NBPF11: variants seen among roughly 807,000 people sequenced by gnomAD.
NBPF11 encodes NBPF member 11, also known as NBPF family member NBPF11.
In NBPF11, 72 loss-of-function variants were observed where a neutral mutation model predicts 93.9. The ratio of observed to expected loss-of-function variants is 0.77; its 90% confidence interval spans 0.63 to 0.93. The LOEUF (loss-of-function observed/expected upper bound fraction) is 0.93, where lower values mean the gene tolerates loss of function less well. NBPF11 is among the 40% of genes least tolerant of loss of function. The pLI is 0.00. For missense variants in NBPF11, 705 were observed against 802.2 expected, an observed-to-expected ratio of 0.88 and a Z score of 1.46; for synonymous variants, 224 against 304.9, an observed-to-expected ratio of 0.73 and a Z score of 2.76.
chr1:148,144,846 G>A lies in NBPF11; in HGVS notation c.-548-1160C>T, dbSNP rs1424669796. Reference sequence around the variant, plus strand: ...TTAGCTGGGCATGGTGGTGCATGCCGTAATCCCAGCACTTTGGGAGGCTGA... The same window carrying A: ...TTAGCTGGGCATGGTGGTGCATGCCATAATCCCAGCACTTTGGGAGGCTGA... On this transcript the variant is annotated intron_variant, in intron 1 of 23. Coordinates refer to ENST00000682118, the MANE Select transcript of NBPF11 (RefSeq NM_001385469.3). Among the ~76,000 whole-genome samples the A allele has an allele frequency of 4.3e-4, 65 of 151,444 alleles. 1 individual carries two copies. The East Asian group carries it at 7.2e-3, about 17-fold the overall frequency.
At position 148,104,550 on chromosome 1, in the gene NBPF11, G is replaced by A. The variant is rs1663063214; in HGVS notation, c.2568C>T (p.Thr856=). ...GCTGAAAGTTACCTGGGGCATGGTG[G>A]GTTTTGATCTTCTTCCCCTTCTTTT... ...GEEKKGKKIK[T]HHAPGSAAC is the part of the protein sequence containing the mutation. The change falls in exon 23 of 24, where the codon ACC becomes ACT. Residue 856 remains threonine (T), a synonymous_variant. Transcript: ENST00000682118. 1 of 596,178 alleles carries A rather than the reference G, an allele frequency of 1.7e-6. No individual in the cohort carries two copies. The highest frequency in any genetic ancestry group is 3.0e-5 in the Admixed American group (1 of 33,740). The allele number at this position is 596,178 out of a possible 1,614,324, so 36.9% of individuals were successfully genotyped here.
intron 23 of NBPF11, 27 bp from the exon 24 acceptor site, chr1:148,103,939 G>A: frequency 5.6e-6 from 9 of 1,610,520 alleles, no homozygotes; most frequent in Non-Finnish European, 6.8e-6. Context: ...AACTAAAGAA[G>A]CAGCCAGGGA....
chr1:148,123,855 G>A lies in NBPF11; in HGVS notation c.491C>T (p.Pro164Leu). 1 of 1,597,316 alleles carries A rather than the reference G, an allele frequency of 6.3e-7. No homozygotes were observed. The highest frequency in any genetic ancestry group is 8.6e-7 in the Non-Finnish European group (1 of 1,167,948). The change falls in exon 7 of 24, where the codon CCA becomes CTA. Residue 164 changes from proline to leucine, a missense_variant and splice_region_variant. Physicochemically the swap from Pro to Leu is moderately conservative, Grantham distance 98. Around this residue, in one of 12 missense-constraint regions of NBPF11, gnomAD observed 262 missense variants for 223.1 expected, o/e 1.17. Coordinates refer to ENST00000682118, the MANE Select transcript of NBPF11 (RefSeq NM_001385469.3). ...LAQHLVQKLS[P>L]ENDEDEDEDV... ...ATCAGGGCCTATGGCCACCTTACCTGGGCTGAGCTTTTGGACAAGGTGCTG... is the reference window on the plus strand; with the variant it reads ...ATCAGGGCCTATGGCCACCTTACCTAGGCTGAGCTTTTGGACAAGGTGCTG...
intron 9 of NBPF11, among the ~76,000 whole-genome samples, chr1:148,121,757 T>G (rs1198250455): frequency 6.6e-6 from 1 of 151,974 alleles, no homozygotes; most frequent in Non-Finnish European, 1.5e-5. Flanking sequence ...TCCTCCCACC[T>G]AAGTCTCCTG....
intron 17 of NBPF11, 93 bp downstream of exon 17, chr1:148,109,191 A>T: frequency 5.0e-6 from 5 of 998,256 alleles, no homozygotes; most frequent in Non-Finnish European, 7.9e-6. Context: ...CTGACAAGAC[A>T]AAATCATGAT....
intron 2 of NBPF11, among the ~76,000 whole-genome samples, chr1:148,138,570 A>G (rs1388751079): frequency 6.6e-6 from 1 of 151,702 alleles, no homozygotes; most frequent in Non-Finnish European, 1.5e-5. Context: ...CTTAACAAGC[A>G]TGCTGCCTTC....
chr1:148,107,295 AG>A lies in NBPF11; in HGVS notation c.2079-182del, dbSNP rs1393285065. On this transcript the variant is annotated intron_variant, in intron 19 of 23. Coordinates refer to ENST00000682118, the MANE Select transcript of NBPF11 (RefSeq NM_001385469.3). ...CCAGGGCCAGGTAGAAAAGAATGAAAGAGAAAGACAGGGAGAGGGAGAGAGA... is the reference window on the plus strand; with the variant it reads ...CCAGGGCCAGGTAGAAAAGAATGAAAAGAAAGACAGGGAGAGGGAGAGAGA... Among the ~76,000 whole-genome samples, 820 of 148,074 alleles carry A rather than the reference AG, an allele frequency of 5.5e-3. 1 individual carries two copies. Among genetic ancestry groups the A allele is most frequent in the African/African-American group, 0.02 (779 of 39,252 alleles).
intron 15 of NBPF11, among the ~76,000 whole-genome samples, chr1:148,112,987 A>G (rs1371222639): frequency 6.6e-6 from 1 of 151,976 alleles, no homozygotes; most frequent in Non-Finnish European, 1.5e-5. Context: ...CATGGAAAGG[A>G]ACAACCGGTA....
At chr1:148,121,697 G>C (rs1233208588) in intron 9 of NBPF11, among the ~76,000 whole-genome samples, 2 of 151,938 alleles carry the variant, frequency 1.3e-5, no homozygotes, top group Non-Finnish European at 2.9e-5. Context: ...AAAGGAGAGA[G>C]AGTCTAGCCT....
chr1:148,126,488 C>T (rs1669145971), intron 5 of NBPF11, among the ~76,000 whole-genome samples: 1 of 151,930 alleles, frequency 6.6e-6, no homozygotes, highest in East Asian at 1.9e-4. Flanking sequence ...TAGTCCTAGA[C>T]ATTTAGAACA....
intron 3 of NBPF11, among the ~76,000 whole-genome samples, chr1:148,136,976 A>G (rs1171091756): frequency 6.6e-6 from 1 of 151,742 alleles, no homozygotes; most frequent in Non-Finnish European, 1.5e-5. Context: ...ACCTCAGGGG[A>G]GAGGGTAAAT....
intron 2 of NBPF11, among the ~76,000 whole-genome samples, chr1:148,139,272 C>A (rs1489274595): frequency 6.7e-6 from 1 of 148,284 alleles, no homozygotes; most frequent in Non-Finnish European, 1.5e-5. Flanking sequence ...TCAAGGAGAG[C>A]CATAAACAGG....
rs1453765386 is a variant in NBPF11, at chr1:148,103,932, T to C, written c.2582-20A>G. On this transcript the variant is annotated intron_variant, in intron 23 of 23. Transcript: ENST00000682118. Reference sequence around the variant, plus strand: ...CTGAGCCTGGAAAAGGAGACAAAACTAAAGAAGCAGCCAGGGAAAATCAGA... The same window carrying C: ...CTGAGCCTGGAAAAGGAGACAAAACCAAAGAAGCAGCCAGGGAAAATCAGA... 7 of 1,610,268 alleles carry C rather than the reference T, an allele frequency of 4.3e-6. No individual in the cohort carries two copies. The highest frequency in any genetic ancestry group is 1.3e-5 in the African/African-American group (1 of 74,508).
At position 148,105,610 on chromosome 1, in the gene NBPF11, A is replaced by G. The variant is rs1413588288; in HGVS notation, c.2304-82T>C. 1.3e-4 allele frequency: 91 copies of G among 709,840 alleles called. 1 individual carries two copies. Among genetic ancestry groups the G allele is most frequent in the Non-Finnish European group, 1.6e-4 (63 of 396,592 alleles). 44.0% of individuals were successfully genotyped at this position (709,840 alleles called of 1,614,324 possible). ...CCCAACTAGGTTTCATGGGTAGCAT[A>G]AGGAAGTGGTTAAAAAAGTAAAAGG... On this transcript the variant is annotated intron_variant, in intron 21 of 23. Transcript: ENST00000682118.
intron 1 of NBPF11, chr1:148,146,869 G>A (rs1341202351): frequency 5.6e-5 from 90 of 1,613,708 alleles, no homozygotes; most frequent in African/African-American, 3.7e-4. Context: ...CAGGCCTTCC[G>A]AGAGGAACCT....
rs587732293 is a variant in NBPF11, at chr1:148,124,949, C to T, written c.228G>A (p.Gln76=). 803 of 1,609,392 alleles carry T rather than the reference C, an allele frequency of 5.0e-4. 4 individuals are homozygous for T. The South Asian group carries it at 8.4e-3, about 17-fold the overall frequency. Residue 76 remains glutamine, a synonymous_variant, in exon 6 of 24, where the codon CAG becomes CAA. Coordinates refer to ENST00000682118, the MANE Select transcript of NBPF11 (RefSeq NM_001385469.3). ...GCTCTGCAAGCTTCTCCTCCTTGAA[C>T]TGTCGCTCATTCCTCAGCATAAATT... The part of the protein sequence containing the change: ...LIKFMLRNER[Q]FKEEKLAEQL...
intron 9 of NBPF11, among the ~76,000 whole-genome samples, chr1:148,121,511 C>G (rs1218079651): frequency 6.6e-6 from 1 of 151,132 alleles, no homozygotes; most frequent in South Asian, 2.1e-4. Context: ...CCGCGCCCAG[C>G]TAATTTCTTT....
At chr1:148,144,610 C>T (rs1159185967) in intron 1 of NBPF11, among the ~76,000 whole-genome samples, 2 of 151,800 alleles carry the variant, frequency 1.3e-5, no homozygotes, top group Non-Finnish European at 2.9e-5. Context: ...ATAATGAATA[C>T]TATATTTACA....
At chr1:148,122,953 G>T in intron 7 of NBPF11, 152 bp from the exon 8 acceptor site, 1 of 1,272,172 alleles carries the variant, frequency 7.9e-7, no homozygotes, top group Non-Finnish European at 1.1e-6. Context: ...GCCCTGGCAT[G>T]GTTTCCTGGT....
Sources: gnomAD v4.1 joint callset for allele counts (sites outside exome capture counted in the v4.1 genomes callset) on GRCh38, gnomAD v4.1.1 for gene constraint, gnomAD v4.1.1 regional missense constraint, MANE v1.5 for transcripts, NCBI Gene and HGNC (gene_info 2026-07-23, HGNC 2026-07-21) for gene names.